The following ZNF155 variants were observed in gnomAD, a reference collection of about 807,000 sequenced individuals.
The protein encoded by ZNF155 is KRAB A domain.
ZNF155 carries 15 observed loss-of-function variants against 11.9 expected under a neutral mutation model. The observed-to-expected ratio is 1.26, with a 90% CI of 0.84 to 1.94. ZNF155 has a LOEUF of 1.94. Ranked by LOEUF, ZNF155 falls within the 30% of genes most tolerant of loss-of-function variation. The pLI, the probability that ZNF155 is intolerant of heterozygous loss-of-function variation, is 0.00. For missense variants in ZNF155, 602 were observed against 639.1 expected, an observed-to-expected ratio of 0.94 and a Z score of 0.63; for synonymous variants, 212 against 219.9, an observed-to-expected ratio of 0.96 and a Z score of 0.32.
intron 4 of ZNF155, among the ~76,000 whole-genome samples, chr19:43,994,661 AC>A (rs1287265117): frequency 6.6e-5 from 10 of 152,206 alleles, no homozygotes; most frequent in Admixed American, 6.5e-4. Context: ...CCAAATGCGG[AC>A]CTTCTATTGT....
intron 1 of ZNF155, among the ~76,000 whole-genome samples, chr19:43,986,451 T>G (rs754687788): frequency 4.5e-4 from 22 of 48,528 alleles, no homozygotes; most frequent in South Asian, 4.3e-3. Context: ...CCATTTGTGT[T>G]TTTTTTTTTT....
At position 43,997,251 on chromosome 19, in the gene ZNF155, T is replaced by G; in HGVS notation, c.1394T>G (p.Phe465Cys). The G allele has an allele frequency of 6.2e-7, 1 of 1,614,114 alleles. No homozygotes were observed. The part of the protein sequence containing the change: ...PYNCKECGKN[F>C]SRASSILNHK... ...AATTGTAAGGAATGTGGGAAGAACT[T>G]TAGCCGGGCCTCAAGTATTTTGAAT... Residue 465 changes from phenylalanine (F) to cysteine (C), a missense_variant, in exon 5 of 5, where the codon TTT becomes TGT. Physicochemically the swap from Phe to Cys is radical, Grantham distance 205 (BLOSUM62 -2). Transcript: ENST00000270014.
At chr19:43,984,769 C>G (rs1212884341) in intron 1 of ZNF155, among the ~76,000 whole-genome samples, 4 of 152,198 alleles carry the variant, frequency 2.6e-5, no homozygotes, top group Non-Finnish European at 5.9e-5. Context: ...AGAGCTCCAG[C>G]TGCTCCGGCC....
At chr19:43,991,105 C>T (rs420584) in intron 2 of ZNF155, among the ~76,000 whole-genome samples, 57,631 of 152,016 alleles carry the variant, frequency 0.38, 11,921 homozygotes, top group East Asian at 0.55. Flanking sequence ...GAAAATTACC[C>T]ACAGTTACCT....
intron 1 of ZNF155, 198 bp downstream of exon 1, chr19:43,984,443 C>CG (rs528247773): frequency 0.019 from 356 of 18,912 alleles, 3 homozygotes; most frequent in African/African-American, 0.067. Flanking sequence ...GAGGAGTCGT[C>CG]GGGGGTTCGG....
At chr19:43,995,661 C>T (rs1024276391) in intron 4 of ZNF155, among the ~76,000 whole-genome samples, 4 of 152,090 alleles carry the variant, frequency 2.6e-5, no homozygotes, top group African/African-American at 9.7e-5. Flanking sequence ...CTTGAGCCAC[C>T]GCACCTGGCC....
In ZNF155 at chr19:43,996,092, G is replaced by T. The variant is rs771385174; in HGVS notation, c.236-1G>T. ...CATCTCTTAAATCTGTGTCTTTATA[G>T]GAGGCAAGATCCAAACTGAGTTGGA... On this transcript the variant is annotated splice_acceptor_variant, in intron 4 of 4. Coordinates refer to ENST00000270014, the MANE Select transcript of ZNF155 (RefSeq NM_198089.3). LOFTEE classifies it high-confidence loss of function. 1 of 1,594,048 alleles carries T rather than the reference G, an allele frequency of 6.3e-7. No individual in the cohort carries two copies. The highest frequency in any genetic ancestry group is 1.3e-5 in the African/African-American group (1 of 74,376).
intron 4 of ZNF155, 116 bp downstream of exon 4, chr19:43,992,050 A>C: frequency 1.0e-6 from 1 of 956,308 alleles, no homozygotes; most frequent in Middle Eastern, 2.6e-4. Flanking sequence ...CTGGATTATT[A>C]CAACTGCCTT....
intron 4 of ZNF155, among the ~76,000 whole-genome samples, chr19:43,994,178 C>T (rs1213536576): frequency 1.3e-5 from 2 of 152,234 alleles, no homozygotes; most frequent in South Asian, 4.1e-4. Flanking sequence ...TGTGATTCTT[C>T]ACATTTTTGA....
rs1277590914 is a variant in ZNF155 at position 43,996,966 on chromosome 19, A to C, written c.1109A>C (p.Lys370Thr). ...YKHQVVHTGE[K>T]PYNCKECGKS... ...CATCAGGTGGTCCACACAGGAGAAA[A>C]ACCATATAATTGTAAAGAATGTGGG... The change falls in exon 5 of 5, where the codon AAA (lysine) becomes ACA (threonine). Residue 370 changes from lysine (K) to threonine (T), a missense_variant. By Grantham distance (78) the Lys-to-Thr change is moderately conservative (BLOSUM62 -1). Transcript: ENST00000270014. 1 of 1,613,998 alleles carries C rather than the reference A, an allele frequency of 6.2e-7. No individual in the cohort carries two copies. Among genetic ancestry groups the C allele is most frequent in the Admixed American group, 1.7e-5 (1 of 60,006 alleles).
chr19:43,994,782 T>C (rs1167964258), intron 4 of ZNF155, among the ~76,000 whole-genome samples: 1 of 152,120 alleles, frequency 6.6e-6, no homozygotes, highest in African/African-American at 2.4e-5. Flanking sequence ...CCAGAGTAAT[T>C]ATTGGGTCTC....
At chr19:43,987,158 A>T (rs1975489422) in intron 1 of ZNF155, among the ~76,000 whole-genome samples, 1 of 152,246 alleles carries the variant, frequency 6.6e-6, no homozygotes, top group Non-Finnish European at 1.5e-5. Context: ...TTATAATTAG[A>T]TAGTGCTAGA....
Position 43,997,313 on chromosome 19 carries a change from T to C in ZNF155, c.1456T>C (p.Cys486Arg), listed in dbSNP as rs1207289075. The C allele has an allele frequency of 3.1e-6, 5 of 1,613,912 alleles. No homozygotes were observed. Among genetic ancestry groups the C allele is most frequent in the Non-Finnish European group, 4.2e-6 (5 of 1,180,006 alleles). ...CCACTGCCAGAAAAAACCATTCAAA[T>C]GTGAGGACTGTGGAAAGAGGCTTGT... The part of the protein sequence containing the change: ...RLHCQKKPFK[C>R]EDCGKRLVHR... The change falls in exon 5 of 5, where the codon TGT becomes CGT. Residue 486 changes from cysteine to arginine, a missense_variant. Transcript: ENST00000270014.
chr19:43,992,596 T>A (rs1975705303), intron 4 of ZNF155, among the ~76,000 whole-genome samples: 1 of 152,196 alleles, frequency 6.6e-6, no homozygotes, highest in Non-Finnish European at 1.5e-5. Flanking sequence ...CTCTGACCAT[T>A]CTTCCATAAT....
chr19:43,996,893 T>A lies in ZNF155; in HGVS notation c.1036T>A (p.Cys346Ser), dbSNP rs780250348. 9.9e-6 allele frequency: 16 copies of A among 1,614,030 alleles called. No homozygotes were observed. Among genetic ancestry groups the A allele is most frequent in the Non-Finnish European group, 1.3e-5 (15 of 1,180,014 alleles). ...MVHTGEKPYR[C>S]EQCGKGFIGR... ...CCACACAGGAGAGAAACCGTACAGA[T>A]GTGAGCAGTGTGGAAAAGGCTTTAT... The change falls in exon 5 of 5, where the codon TGT becomes AGT. Residue 346 changes from cysteine to serine, a missense_variant. Transcript: ENST00000270014.
chr19:43,997,445 C>G lies in ZNF155; in HGVS notation c.1588C>G (p.Leu530Val). 6.3e-7 allele frequency: 1 copy of G among 1,598,150 alleles called. No individual in the cohort carries two copies. ...CAAGAGGCGCTTGAATCTGGATATA[C>G]TTTTATCATTATTTCTAAATGACAC... ...RYKRRLNLDI[L>V]LSLFLNDT The change falls in exon 5 of 5, where the codon CTT becomes GTT. Residue 530 changes from leucine (L) to valine (V), a missense_variant. By Grantham distance (32) the Leu-to-Val change is conservative. Transcript: ENST00000270014.
At position 43,988,709 on chromosome 19, in the gene ZNF155, C is replaced by G. The variant is rs945869906; in HGVS notation, c.15+151C>G. On this transcript the variant is annotated intron_variant, in intron 2 of 4. Coordinates refer to ENST00000270014, the MANE Select transcript of ZNF155 (RefSeq NM_198089.3). ...GCTTCCTTTATCTCTTTTGTGTTGA[C>G]TGCATTTGGTTTTTGGTTTTGCTTT... is the stretch of plus-strand genomic sequence containing the variant. The G allele has an allele frequency of 6.8e-6, 5 of 740,354 alleles. No homozygotes were observed. In the African/African-American group the frequency reaches 9.0e-5, roughly 13 times the overall value. 45.9% of individuals were successfully genotyped at this position (740,354 alleles called of 1,614,324 possible).
At chr19:43,993,414 ATTAAT>A in intron 4 of ZNF155, among the ~76,000 whole-genome samples, 1 of 152,232 alleles carries the variant, frequency 6.6e-6, no homozygotes, top group Non-Finnish European at 1.5e-5. Flanking sequence ...AAGATTTCTT[ATTAAT>A]TTAATTTATT....
intron 2 of ZNF155, among the ~76,000 whole-genome samples, chr19:43,989,735 T>C (rs986621583): frequency 1.3e-5 from 2 of 152,216 alleles, no homozygotes; most frequent in Admixed American, 6.5e-5. Context: ...ATAGTTGTTA[T>C]AGAAAATCTT....
Sources: allele counts gnomAD v4.1 joint callset (sites outside exome capture counted in the v4.1 genomes callset), GRCh38; gene constraint gnomAD v4.1.1; transcripts MANE v1.5; gene names NCBI Gene and HGNC (gene_info 2026-07-23, HGNC 2026-07-21).